The following LRP1B variants were observed in gnomAD, a reference collection of about 807,000 sequenced individuals.
LRP1B encodes low-density lipoprotein receptor-related protein 1B.
A neutral mutation model predicts 556.6 loss-of-function variants in LRP1B; 217 were observed. That is an observed-to-expected ratio of 0.39 (90% confidence interval 0.35 to 0.44). The LOEUF is 0.44. Ranked by LOEUF, LRP1B falls within the 20% of genes least tolerant of loss-of-function variation. The pLI is 1.00. For missense variants in LRP1B, 5,053 were observed against 5,620.8 expected (o/e 0.90, Z 3.23); for synonymous variants, 2,047 against 1,865.8 (o/e 1.10, Z -2.50).
At position 140,908,365 on chromosome 2, in the gene LRP1B, A is replaced by AATATAT. The variant is rs71834225; in HGVS notation, c.3320-294_3320-289dup. On this transcript the variant is annotated intron_variant, in intron 21 of 90. Coordinates refer to ENST00000389484, the MANE Select transcript of LRP1B (RefSeq NM_018557.3). ...TATATACATATATTTATATTTATAT[A>AATATAT]ATATATATATATATATATATATATA... Among the ~76,000 whole-genome samples the AATATAT allele has an allele frequency of 3.7e-3, 521 of 140,964 alleles. 1 individual carries two copies. Among genetic ancestry groups the AATATAT allele is most frequent in the African/African-American group, 8.7e-3 (328 of 37,906 alleles). The allele number at this position is 140,964 out of a possible 152,430, so 92.5% of individuals were successfully genotyped here.
At chr2:140,434,821 G>A (rs1686102562) in intron 66 of LRP1B, among the ~76,000 whole-genome samples, 1 of 152,178 alleles carries the variant, frequency 6.6e-6, no homozygotes, top group African/African-American at 2.4e-5. Context: ...TTATGTCCAA[G>A]TGTTAATGGC....
chr2:141,126,000 C>A (rs1316259662), intron 7 of LRP1B, among the ~76,000 whole-genome samples: 4 of 151,562 alleles, frequency 2.6e-5, no homozygotes, highest in East Asian at 3.9e-4. Flanking sequence ...ATGGGCTTGG[C>A]TGAGCCCTCT....
At chr2:141,703,254 C>A (rs1692013396) in intron 2 of LRP1B, among the ~76,000 whole-genome samples, 1 of 151,794 alleles carries the variant, frequency 6.6e-6, no homozygotes. Context: ...TAAGGAACCT[C>A]TTGGCTAAAG....
At chr2:140,246,813 C>T (rs184349986) in intron 87 of LRP1B, among the ~76,000 whole-genome samples, 1 of 151,534 alleles carries the variant, frequency 6.6e-6, no homozygotes, top group Admixed American at 6.6e-5. Context: ...ATGAATATTT[C>T]CAAAGAAAAG....
At chr2:140,896,071 T>C (rs1453194702) in intron 23 of LRP1B, among the ~76,000 whole-genome samples, 1 of 152,084 alleles carries the variant, frequency 6.6e-6, no homozygotes, top group Non-Finnish European at 1.5e-5. Context: ...ACCTATCTGT[T>C]CTACCCAGTA....
At chr2:141,832,325 T>TCC (rs1394312046) in intron 1 of LRP1B, among the ~76,000 whole-genome samples, 1 of 86,276 alleles carries the variant, frequency 1.2e-5, no homozygotes, top group Non-Finnish European at 2.4e-5. Flanking sequence ...TCTCTTTCTC[T>TCC]CTCACACACA....
At chr2:140,825,119 G>T (rs1691458579) in intron 31 of LRP1B, among the ~76,000 whole-genome samples, 1 of 152,084 alleles carries the variant, frequency 6.6e-6, no homozygotes, top group Non-Finnish European at 1.5e-5. Flanking sequence ...TGTTTTAGAA[G>T]AATTCAGCCT....
In LRP1B at chr2:141,341,536, C is replaced by T. The variant is rs78291064; in HGVS notation, c.344-86895G>A. Among the ~76,000 whole-genome samples, 389 of 152,266 alleles carry T rather than the reference C, an allele frequency of 2.6e-3. 1 individual carries two copies. Among genetic ancestry groups the T allele is most frequent in the African/African-American group, 8.9e-3 (368 of 41,548 alleles). The stretch of plus-strand genomic sequence containing the variant: ...AATGCTTTATTTTCAATTTAATACA[C>T]TTCTCTTCATGTTTCAGTGACACAG... On this transcript the variant is annotated intron_variant, in intron 3 of 90. Transcript: ENST00000389484.
intron 56 of LRP1B, 70 bp from the exon 57 acceptor site, chr2:140,492,763 T>A: frequency 1.8e-6 from 2 of 1,109,916 alleles, no homozygotes; most frequent in South Asian, 2.6e-5. Context: ...TAATTTCAGT[T>A]TAGTTTAGCA....
intron 41 of LRP1B, among the ~76,000 whole-genome samples, chr2:140,649,197 T>A (rs1684588051): frequency 6.6e-6 from 1 of 152,162 alleles, no homozygotes; most frequent in Non-Finnish European, 1.5e-5. Context: ...GCATTCTCTA[T>A]CCTGGTAGTG....
rs143499950 is a variant in LRP1B, at chr2:141,552,429, C to T, written c.206-71896G>A. ...CTATAGCTTGGTAATATGCTTAAAA[C>T]AAATCATAGACTCCAAATTTCATTT... On this transcript the variant is annotated intron_variant, in intron 2 of 90. Transcript: ENST00000389484. 1.9e-3 allele frequency among the ~76,000 whole-genome samples: 296 copies of T among 152,028 alleles called. 3 individuals are homozygous for T. The highest frequency in any genetic ancestry group is 6.9e-3 in the African/African-American group (288 of 41,542).
chr2:141,319,301 T>G (rs80339300), intron 3 of LRP1B, among the ~76,000 whole-genome samples: 1 of 118,100 alleles, frequency 8.5e-6, no homozygotes, highest in Non-Finnish European at 1.7e-5. Flanking sequence ...AAAGCAGTGT[T>G]TTTTTGTTGT....
At chr2:141,042,852 G>T (rs1043988685) in intron 11 of LRP1B, among the ~76,000 whole-genome samples, 1 of 151,796 alleles carries the variant, frequency 6.6e-6, no homozygotes, top group Non-Finnish European at 1.5e-5. Flanking sequence ...TGCCAAACTT[G>T]CATCTAATTA....
At chr2:140,780,392 C>T (rs1573708826) in intron 32 of LRP1B, among the ~76,000 whole-genome samples, 1 of 152,172 alleles carries the variant, frequency 6.6e-6, no homozygotes, top group South Asian at 2.1e-4. Flanking sequence ...AAGAAAAAGG[C>T]CATTGTTAAA....
chr2:140,844,533 G>A (rs1332778103), intron 29 of LRP1B, among the ~76,000 whole-genome samples: 1 of 151,888 alleles, frequency 6.6e-6, no homozygotes, highest in African/African-American at 2.4e-5. Flanking sequence ...ATATGGGGGT[G>A]GGGGTGGAAT....
chr2:141,256,044 A>C (rs1684450224), intron 3 of LRP1B, among the ~76,000 whole-genome samples: 1 of 152,002 alleles, frequency 6.6e-6, no homozygotes, highest in Admixed American at 6.6e-5. Context: ...AGTGAGTGGT[A>C]TTAAGTGGAC....
intron 2 of LRP1B, among the ~76,000 whole-genome samples, chr2:141,774,242 A>G (rs1399453306): frequency 1.3e-5 from 2 of 152,200 alleles, no homozygotes; most frequent in African/African-American, 4.8e-5. Context: ...GGTAATTTAC[A>G]AGGACAAAAG....
chr2:140,458,491 A>G (rs1687192480), intron 60 of LRP1B, among the ~76,000 whole-genome samples: 1 of 152,008 alleles, frequency 6.6e-6, no homozygotes, highest in South Asian at 2.1e-4. Flanking sequence ...TTGTGCTTCT[A>G]TTTTCTCAAG....
chr2:140,351,245 G>A (rs1681945285), intron 76 of LRP1B, among the ~76,000 whole-genome samples: 1 of 151,718 alleles, frequency 6.6e-6, no homozygotes, highest in South Asian at 2.1e-4. Flanking sequence ...TATTGATAGA[G>A]GTTTTTCTAC....
Sources: gnomAD v4.1 joint callset for allele counts (sites outside exome capture counted in the v4.1 genomes callset) on GRCh38, gnomAD v4.1.1 for gene constraint, MANE v1.5 for transcripts, NCBI Gene and HGNC (gene_info 2026-07-23, HGNC 2026-07-21) for gene names.